Variants in DNAH8 observed in about 807,000 individuals in gnomAD.
DNAH8 encodes the protein dynein axonemal heavy chain 8, also known as axonemal beta dynein heavy chain 8.
In DNAH8, 382 loss-of-function variants were observed where a neutral mutation model predicts 562.1. The ratio of observed to expected loss-of-function variants is 0.68; its 90% CI spans 0.63 to 0.74. The LOEUF is 0.74. Among genes scored for constraint, DNAH8 ranks in the 30% least tolerant of loss-of-function variants. DNAH8 has a pLI of 0.00. For synonymous variants in DNAH8, 1,881 were observed against 1,919.4 expected (o/e 0.98, Z 0.52); for missense variants, 5,203 against 5,620.4 (o/e 0.93, Z 2.37).
intron 3 of DNAH8, among the ~76,000 whole-genome samples, chr6:38,727,798 C>G (rs532631082): frequency 3.6e-4 from 55 of 152,254 alleles, no homozygotes; most frequent in South Asian, 1.5e-3. Context: ...TTTCCTGCCC[C>G]CTTCATTCAG....
chr6:38,744,089 A>C (rs757868488), intron 8 of DNAH8: 1 of 152,064 alleles, frequency 6.6e-6, no homozygotes, highest in Non-Finnish European at 1.5e-5. Flanking sequence ...TTTTTTTGCC[A>C]GGCATGGTGG....
At chr6:38,926,328 A>G in intron 74 of DNAH8, 118 bp downstream of exon 74, 1 of 1,155,166 alleles carries the variant, frequency 8.7e-7, no homozygotes, top group Non-Finnish European at 1.2e-6. Context: ...GCTAATTCAC[A>G]CTCTTGAGTT....
intron 22 of DNAH8, among the ~76,000 whole-genome samples, chr6:38,804,193 A>G (rs191102954): frequency 6.6e-6 from 1 of 152,304 alleles, no homozygotes; most frequent in East Asian, 1.9e-4. Flanking sequence ...GTTGAATTTG[A>G]ATCCCCTTTA....
chr6:38,805,479 A>G lies in DNAH8; in HGVS notation c.3035-2A>G. 1 of 1,582,800 alleles carries G rather than the reference A, an allele frequency of 6.3e-7. No individual in the cohort carries two copies. The highest frequency in any genetic ancestry group is 1.3e-5 in the African/African-American group (1 of 74,504). ...TATTTTTGTTTTGTCTTTTGTCTAT[A>G]GAACAGCGGAAACACGTTGTTTTTG... On this transcript the variant is annotated splice_acceptor_variant, in intron 22 of 92. Coordinates refer to ENST00000327475, the MANE Select transcript of DNAH8 (RefSeq NM_001206927.2). LOFTEE classifies it high-confidence loss of function.
chr6:38,912,545 A>G (rs1780982267), intron 66 of DNAH8, among the ~76,000 whole-genome samples: 1 of 152,140 alleles, frequency 6.6e-6, no homozygotes, highest in Non-Finnish European at 1.5e-5. Flanking sequence ...ATGAGAGAAG[A>G]CTGTGAAAGA....
At position 39,008,877 on chromosome 6, in the gene DNAH8, T is replaced by G; in HGVS notation, c.13278T>G (p.Ser4426Arg). 6.2e-7 allele frequency: 1 copy of G among 1,606,336 alleles called. No homozygotes were observed. The highest frequency in any genetic ancestry group is 8.5e-7 in the Non-Finnish European group (1 of 1,173,266). ...TTACCAACATTCAACCCAAAGAGAG[T>G]GGAGGTGGTGTGGGAGAGACCCGGG... ...ETITNIQPKE[S>R]GGGVGETREA... Residue 4426 changes from serine (S) to arginine (R), a missense_variant, in exon 89 of 93, where the codon AGT (serine) becomes AGG (arginine). Physicochemically the swap from Ser to Arg is moderately radical, Grantham distance 110. Coordinates refer to ENST00000327475, the MANE Select transcript of DNAH8 (RefSeq NM_001206927.2).
intron 16 of DNAH8, among the ~76,000 whole-genome samples, chr6:38,782,633 G>A (rs1377814862): frequency 1.3e-5 from 2 of 152,066 alleles, no homozygotes; most frequent in East Asian, 1.9e-4. Context: ...TTTGCGTGCT[G>A]GAATTTAGGA....
chr6:39,010,826 TA>T, intron 89 of DNAH8, among the ~76,000 whole-genome samples: 1 of 41,554 alleles, frequency 2.4e-5, no homozygotes, highest in Admixed American at 3.5e-4. Flanking sequence ...CACACGTATG[TA>T]TGTATGTATG....
rs1261098462 is a variant in DNAH8, at chr6:38,878,193, A to G, written c.7858+2365A>G. ...ACAAATAGACAAAATTAGTAAATAT[A>G]TGGAAGACTTTAACAACACTATCAA... On this transcript the variant is annotated intron_variant, in intron 53 of 92. Coordinates refer to ENST00000327475, the MANE Select transcript of DNAH8 (RefSeq NM_001206927.2). Among the ~76,000 whole-genome samples the G allele has an allele frequency of 2.0e-5, 3 of 152,240 alleles. No homozygotes were observed. The East Asian group carries it at 5.8e-4, about 29-fold the overall frequency.
At chr6:38,890,147 G>A (rs1354026469) in intron 57 of DNAH8, among the ~76,000 whole-genome samples, 2 of 152,306 alleles carry the variant, frequency 1.3e-5, no homozygotes, top group African/African-American at 4.8e-5. Flanking sequence ...GCTGGAAAAA[G>A]TGGTCCTGAT....
intron 8 of DNAH8, among the ~76,000 whole-genome samples, chr6:38,744,861 G>T (rs1343035357): frequency 1.3e-5 from 2 of 152,292 alleles, no homozygotes; most frequent in East Asian, 3.9e-4. Flanking sequence ...CACTCCCAAA[G>T]TGTTGGGATT....
intron 53 of DNAH8, among the ~76,000 whole-genome samples, chr6:38,882,646 G>A (rs1778586381): frequency 6.6e-6 from 1 of 152,050 alleles, no homozygotes; most frequent in African/African-American, 2.4e-5. Context: ...TAATCTGTAC[G>A]ACAAACCCCT....
chr6:38,944,612 A>G (rs561724115), intron 79 of DNAH8, among the ~76,000 whole-genome samples: 3 of 152,370 alleles, frequency 2.0e-5, no homozygotes, highest in African/African-American at 7.2e-5. Context: ...TGTAAATATC[A>G]TCATGTATTT....
chr6:38,957,760 A>G (rs1457272871), intron 82 of DNAH8, among the ~76,000 whole-genome samples: 3 of 150,672 alleles, frequency 2.0e-5, no homozygotes, highest in African/African-American at 7.3e-5. Context: ...TTAAAAGGAG[A>G]TTTAACAATT....
At chr6:38,859,960 G>A (rs1043100647) in intron 42 of DNAH8, among the ~76,000 whole-genome samples, 4 of 152,154 alleles carry the variant, frequency 2.6e-5, no homozygotes, top group Admixed American at 2.0e-4. Context: ...GCCCCTAGCT[G>A]TACTGACCTT....
chr6:38,954,843 TAGA>T (rs1404487681), intron 82 of DNAH8, among the ~76,000 whole-genome samples: 2 of 152,186 alleles, frequency 1.3e-5, no homozygotes, highest in African/African-American at 2.4e-5. Context: ...GGAGAAAAAG[TAGA>T]AGTTTTAAAA....
chr6:38,826,271 A>G lies in DNAH8; in HGVS notation c.3963A>G (p.Glu1321=). 2 of 1,613,484 alleles carry G rather than the reference A, an allele frequency of 1.2e-6. No individual in the cohort carries two copies. Among genetic ancestry groups the G allele is most frequent in the Non-Finnish European group, 1.7e-6 (2 of 1,179,562 alleles). The change falls in exon 29 of 93, where the codon GAA becomes GAG. Residue 1321 remains glutamate, a synonymous_variant. Transcript: ENST00000327475. ...KMSYMIAFIN[E]YLKKLSRPIR... Reference sequence around the variant, plus strand: ...CATACATGATAGCATTTATTAATGAATACTTGAAAAAGTTATCTAGACCTA... The same window carrying G: ...CATACATGATAGCATTTATTAATGAGTACTTGAAAAAGTTATCTAGACCTA...
intron 38 of DNAH8, 80 bp from the exon 39 acceptor site, chr6:38,851,492 G>C (rs983039099): frequency 2.5e-6 from 2 of 787,240 alleles, no homozygotes; most frequent in Admixed American, 2.7e-5. Flanking sequence ...AAAGATGTTA[G>C]TGATTATGTC....
intron 74 of DNAH8, chr6:38,929,239 A>G: frequency 3.8e-6 from 1 of 260,930 alleles, no homozygotes; most frequent in Admixed American, 5.2e-5. Context: ...ATCTGTCAGG[A>G]GCAGAACTCT....
Sources: gnomAD v4.1 joint callset for allele counts (sites outside exome capture counted in the v4.1 genomes callset) on GRCh38, gnomAD v4.1.1 for gene constraint, MANE v1.5 for transcripts, NCBI Gene and HGNC (gene_info 2026-07-23, HGNC 2026-07-21) for gene names.